The following ABHD12B variants were observed in gnomAD, a reference collection of about 807,000 sequenced individuals.
ABHD12B encodes the protein protein ABHD12B.
ABHD12B carries 42 observed loss-of-function variants against 50.4 expected under a neutral mutation model. The ratio of observed to expected loss-of-function variants is 0.83; its 90% CI spans 0.65 to 1.08. ABHD12B has a LOEUF of 1.08. Among genes scored for constraint, ABHD12B ranks in the 50% least tolerant of loss-of-function variants. The pLI, the probability that ABHD12B is intolerant of heterozygous loss-of-function variation, is 0.00. For synonymous variants in ABHD12B, 167 were observed against 160.3 expected (o/e 1.04, Z -0.32); for missense variants, 479 against 447.7 (o/e 1.07, Z -0.63).
Position 50,885,849 on chromosome 14 carries a change from A to G in ABHD12B, c.616A>G (p.Ser206Gly), listed in dbSNP as rs377562289. 12 of 1,614,084 alleles carry G rather than the reference A, an allele frequency of 7.4e-6. No homozygotes were observed. Among genetic ancestry groups the G allele is most frequent in the African/African-American group, 2.7e-5 (2 of 74,932 alleles). ...ICVYEWTKAR[S>G]GITPVCLWGH... ...TGTCTATGAGTGGACCAAGGCAAGA[A>G]GTGGCATCACTCCCGTGTGTCTCTG... The change falls in exon 7 of 13, where the codon AGT becomes GGT. Residue 206 changes from serine (S) to glycine (G), a missense_variant. Ser to Gly is a moderately conservative substitution (Grantham distance 56, BLOSUM62 0). Transcript: ENST00000337334.
chr14:50,888,483 T>A (rs1336346284), intron 8 of ABHD12B, among the ~76,000 whole-genome samples: 1 of 152,188 alleles, frequency 6.6e-6, no homozygotes, highest in Non-Finnish European at 1.5e-5. Flanking sequence ...ATTACAGGTG[T>A]GAGCCACCGT....
intron 1 of ABHD12B, among the ~76,000 whole-genome samples, chr14:50,874,161 A>G (rs1160315229): frequency 6.6e-6 from 1 of 152,296 alleles, no homozygotes; most frequent in Non-Finnish European, 1.5e-5. Context: ...AGAACATTTC[A>G]TCATATGATT....
At chr14:50,881,554 T>C in intron 4 of ABHD12B, 42 bp from the exon 5 acceptor site, 1 of 1,540,826 alleles carries the variant, frequency 6.5e-7, no homozygotes, top group Non-Finnish European at 8.7e-7. Context: ...TCATCGTTCC[T>C]AATTCTTGCT....
intron 1 of ABHD12B, among the ~76,000 whole-genome samples, chr14:50,875,169 T>C (rs11157776): frequency 0.25 from 38,008 of 152,108 alleles, 5,146 homozygotes; most frequent in East Asian, 0.39. Context: ...GCCCCGTTAT[T>C]ATTTGTGGGA....
At chr14:50,885,959 C>T (rs999709754) in intron 7 of ABHD12B, 64 bp downstream of exon 7, 8 of 1,602,230 alleles carry the variant, frequency 5.0e-6, no homozygotes, top group African/African-American at 1.3e-5. Flanking sequence ...CTATCAAAGG[C>T]AGCAGCCAGT....
chr14:50,903,896 C>A (rs1050686976), intron 11 of ABHD12B, 178 bp from the exon 12 acceptor site: 6 of 603,204 alleles, frequency 9.9e-6, no homozygotes, highest in Non-Finnish European at 1.8e-5. Context: ...ATTAGCTGAG[C>A]AGCATTCAGA....
At chr14:50,877,802 G>C (rs1220729940) in intron 1 of ABHD12B, 150 bp from the exon 2 acceptor site, 16 of 664,262 alleles carry the variant, frequency 2.4e-5, no homozygotes, top group Admixed American at 4.1e-5. Flanking sequence ...GGGAGGCAGA[G>C]GTTGCAGTGA....
In ABHD12B at chr14:50,904,162, G is replaced by C. The variant is rs762093820; in HGVS notation, c.1031G>C (p.Cys344Ser). 2 of 1,614,124 alleles carry C rather than the reference G, an allele frequency of 1.2e-6. No individual in the cohort carries two copies. The highest frequency in any genetic ancestry group is 1.7e-6 in the Non-Finnish European group (2 of 1,179,994). Residue 344 changes from cysteine (C) to serine (S), a missense_variant, in exon 12 of 13, where the codon TGT becomes TCT. Physicochemically the swap from Cys to Ser is moderately radical, Grantham distance 112. Coordinates refer to ENST00000337334, the MANE Select transcript of ABHD12B (RefSeq NM_001206673.2). ...CCTGGCTTCCAACACAACCTGCTTT[G>C]TAAAAGCCCCACACTGTTAATAACC... The part of the protein sequence containing the change: ...FPPGFQHNLL[C>S]KSPTLLITVR...
intron 3 of ABHD12B, 133 bp downstream of exon 3, chr14:50,878,980 A>C: frequency 1.4e-6 from 1 of 705,224 alleles, no homozygotes. Context: ...TGTTTCCTAC[A>C]CCTTCCTCTT....
intron 3 of ABHD12B, among the ~76,000 whole-genome samples, chr14:50,879,845 T>G (rs1038944462): frequency 3.3e-5 from 5 of 152,166 alleles, no homozygotes; most frequent in Admixed American, 2.6e-4. Flanking sequence ...CCTTAAGTGA[T>G]GGAGAGGACA....
chr14:50,889,425 G>T (rs138859104), intron 9 of ABHD12B, among the ~76,000 whole-genome samples: 1,542 of 152,266 alleles, frequency 0.01, 31 homozygotes, highest in African/African-American at 0.035. Context: ...GGATCACAAG[G>T]TCAAGAGATC....
In ABHD12B at chr14:50,888,032, C is replaced by T. The variant is rs540642194; in HGVS notation, c.701-792C>T. Reference sequence around the variant, plus strand: ...TGGTTCTGTAGTTTCTCACTGACCACTAGCCCCCATATCCTTTCAAACATA... The same window carrying T: ...TGGTTCTGTAGTTTCTCACTGACCATTAGCCCCCATATCCTTTCAAACATA... On this transcript the variant is annotated intron_variant, in intron 8 of 12. Coordinates refer to ENST00000337334, the MANE Select transcript of ABHD12B (RefSeq NM_001206673.2). 5.3e-5 allele frequency among the ~76,000 whole-genome samples: 8 copies of T among 152,284 alleles called. No individual in the cohort carries two copies. The South Asian group carries it at 1.7e-3, about 32-fold the overall frequency.
At chr14:50,894,030 G>A (rs966563380) in intron 9 of ABHD12B, among the ~76,000 whole-genome samples, 3 of 152,226 alleles carry the variant, frequency 2.0e-5, no homozygotes, top group Non-Finnish European at 4.4e-5. Flanking sequence ...GTCAGACCAC[G>A]CAGGGACGCC....
chr14:50,886,455 A>G (rs533866666), intron 7 of ABHD12B, among the ~76,000 whole-genome samples, 192 bp from the exon 8 acceptor site: 28 of 151,564 alleles, frequency 1.8e-4, no homozygotes, highest in South Asian at 4.2e-4. Context: ...AAAAAAAAAA[A>G]AAAGAAAGAA....
intron 10 of ABHD12B, among the ~76,000 whole-genome samples, chr14:50,902,841 CCTTTTGAATTAGCAAA>C (rs1247085489): frequency 6.6e-6 from 1 of 152,086 alleles, no homozygotes; most frequent in African/African-American, 2.4e-5. Flanking sequence ...ATGCCATAGC[CCTTTTGAATTAGCAAA>C]CTAGGGGGTT....
chr14:50,891,807 A>C (rs927747801), intron 9 of ABHD12B: 3 of 152,188 alleles, frequency 2.0e-5, no homozygotes, highest in Non-Finnish European at 4.4e-5. Context: ...ACCACTATGC[A>C]GTGCTAATGT....
Position 50,904,409 on chromosome 14 carries a change from C to T in ABHD12B, c.*43C>T. The T allele has an allele frequency of 1.2e-6, 2 of 1,612,650 alleles. No individual in the cohort carries two copies. Among genetic ancestry groups the T allele is most frequent in the Non-Finnish European group, 1.7e-6 (2 of 1,179,238 alleles). ...ATCTTCAATGAAGACTTGGCCCAAA[C>T]ACCACCTGTGATGTATATTGTTCTA... On this transcript the variant is annotated 3_prime_UTR_variant, in exon 13 of 13. Transcript: ENST00000337334.
At chr14:50,900,283 A>G (rs1461525580) in intron 9 of ABHD12B, among the ~76,000 whole-genome samples, 3 of 152,218 alleles carry the variant, frequency 2.0e-5, no homozygotes, top group South Asian at 2.1e-4. Flanking sequence ...CTGAAATTCA[A>G]TCATACTAAA....
At chr14:50,880,217 A>C (rs1162698684) in intron 3 of ABHD12B, among the ~76,000 whole-genome samples, 1 of 152,146 alleles carries the variant, frequency 6.6e-6, no homozygotes, top group Non-Finnish European at 1.5e-5. Flanking sequence ...CAGAAGAACG[A>C]AAACAGTAAG....
Sources: allele counts gnomAD v4.1 joint callset (sites outside exome capture counted in the v4.1 genomes callset), GRCh38; gene constraint gnomAD v4.1.1; transcripts MANE v1.5; gene names NCBI Gene and HGNC (gene_info 2026-07-23, HGNC 2026-07-21).